Variants in PROKR2 observed in about 807,000 individuals in gnomAD.
PROKR2 encodes prokineticin receptor 2.
PROKR2 carries 26 observed loss-of-function variants against 23.4 expected under a neutral mutation model. The ratio of observed to expected loss-of-function variants is 1.11; its 90% confidence interval spans 0.81 to 1.54. PROKR2 has a LOEUF of 1.54. Ranked by LOEUF, PROKR2 falls within the 40% of genes most tolerant of loss-of-function variation. PROKR2 has a pLI of 0.00. For missense variants in PROKR2, 453 were observed against 511.5 expected, an observed-to-expected ratio of 0.89 and a Z score of 1.10; for synonymous variants, 212 against 201.2, an observed-to-expected ratio of 1.05 and a Z score of -0.45.
intron 2 of PROKR2, among the ~76,000 whole-genome samples, chr20:5,312,193 G>A (rs762746930): frequency 5.3e-5 from 8 of 152,126 alleles, no homozygotes; most frequent in African/African-American, 7.2e-5. Context: ...GGCAACCTCC[G>A]CCTCCCAGGT....
At chr20:5,310,590 T>C (rs1163698583) in intron 2 of PROKR2, among the ~76,000 whole-genome samples, 3 of 56,280 alleles carry the variant, frequency 5.3e-5, no homozygotes, top group Admixed American at 3.0e-4. Context: ...GAGAAGAGGA[T>C]CCTTACTCTT....
Position 5,314,170 on chromosome 20 carries a change from C to T in PROKR2, c.200G>A (p.Cys67Tyr), listed in dbSNP as rs779533141. The T allele has an allele frequency of 6.2e-7, 1 of 1,614,188 alleles. No homozygotes were observed. Among genetic ancestry groups the T allele is most frequent in the South Asian group, 1.1e-5 (1 of 91,080 alleles). The change falls in exon 2 of 3, where the codon TGC becomes TAC. Residue 67 changes from cysteine (C) to tyrosine (Y), a missense_variant. Transcript: ENST00000678254. Reference protein sequence around the residue: ...GIALAGIMLVCGIGNFVFIAA... With the variant: ...GIALAGIMLVYGIGNFVFIAA... ...GATAAAGACAAAGTTACCGATGCCG[C>T]AGACCAGCATGATGCCTGCCAGTGC...
chr20:5,314,931 C>T (rs914520252), intron 1 of PROKR2, among the ~76,000 whole-genome samples: 12 of 152,172 alleles, frequency 7.9e-5, no homozygotes, highest in African/African-American at 1.4e-4. Flanking sequence ...CAGGATGCTG[C>T]GGGGTCTTCT....
At position 5,302,580 on chromosome 20, in the gene PROKR2, CT is replaced by C; in HGVS notation, c.614del (p.Lys205ArgfsTer35). The C allele has an allele frequency of 6.2e-7, 1 of 1,614,170 alleles. No individual in the cohort carries two copies. Among genetic ancestry groups the C allele is most frequent in the Non-Finnish European group, 8.5e-7 (1 of 1,180,020 alleles). On this transcript the variant is annotated frameshift_variant, in exon 3 of 3. Transcript: ENST00000678254. LOFTEE classifies it high-confidence loss of function. ...CAGGCCAGATCTGGCCACAGAAGAT[CT>C]TCTCCTGGCTCTTGACAATAAAGAG... Reference protein sequence around the residue: ...TVLFIVKSQEKIFCGQIWPVD... With the variant: ...TVLFIVKSQEXIFCGQIWPVD...
chr20:5,304,260 G>A (rs371372696), intron 2 of PROKR2, among the ~76,000 whole-genome samples: 5 of 151,852 alleles, frequency 3.3e-5, no homozygotes, highest in Non-Finnish European at 4.4e-5. Context: ...AGAATACACC[G>A]CCCCAGATCA....
rs1238497659 is a variant in PROKR2, at chr20:5,302,664, G to A, written c.531C>T (p.Val177=). 1.9e-6 allele frequency: 3 copies of A among 1,614,210 alleles called. No homozygotes were observed. In the South Asian group the frequency reaches 3.3e-5, roughly 18 times the overall value. The change falls in exon 3 of 3, where the codon GTC becomes GTT. Residue 177 remains valine (V), a synonymous_variant. Coordinates refer to ENST00000678254, the MANE Select transcript of PROKR2 (RefSeq NM_144773.4). ...YQTASFLIAL[V]WMVSILIAIP... ...TGGCAATGAGAATGGACACCATCCA[G>A]ACCAAGGCGATCAGGAAGGAGGCCG... is the stretch of plus-strand genomic sequence containing the variant.
Position 5,302,368 on chromosome 20 carries a change from A to C in PROKR2, c.827T>G (p.Val276Gly). Residue 276 changes from valine to glycine, a missense_variant, in exon 3 of 3, where the codon GTG (valine) becomes GGG (glycine). Val to Gly is a moderately radical substitution (Grantham distance 109, BLOSUM62 -3). Coordinates refer to ENST00000678254, the MANE Select transcript of PROKR2 (RefSeq NM_144773.4). The stretch of plus-strand genomic sequence containing the variant: ...ATAGGCCGTGAGAATGCACATGAGC[A>C]CCAGGACCGTCTTCCTGCGGCAGCG... ...RLRCRRKTVL[V>G]LMCILTAYVL... is the part of the protein sequence containing the mutation. The C allele has an allele frequency of 6.2e-7, 1 of 1,614,232 alleles. No individual in the cohort carries two copies. Among genetic ancestry groups the C allele is most frequent in the Non-Finnish European group, 8.5e-7 (1 of 1,180,052 alleles).
rs1979659911 is a variant in PROKR2, at chr20:5,316,084, G to A, written c.-9+410C>T. 2.2e-6 allele frequency: 1 copy of A among 456,662 alleles called. No individual in the cohort carries two copies. Among genetic ancestry groups the A allele is most frequent in the Non-Finnish European group, 4.4e-6 (1 of 226,992 alleles). 28.3% of individuals were successfully genotyped at this position (456,662 alleles called of 1,614,324 possible). A position where few individuals can be genotyped will look rare whatever the true frequency, so the allele number is the denominator to read the frequency against. ...AGGCTCTAGAAGCAAAGGCTGCGGT[G>A]CCTCCTGGCTGGAAGAAAACGGCGG... On this transcript the variant is annotated intron_variant, in intron 1 of 2. Transcript: ENST00000678254. This position sits in a 1 kb window ranked among gnomAD's most constrained non-coding sequence, Gnocchi z 5.0.
intron 1 of PROKR2, among the ~76,000 whole-genome samples, chr20:5,315,119 G>T (rs1433547840): frequency 6.6e-6 from 1 of 152,080 alleles, no homozygotes; most frequent in African/African-American, 2.4e-5. Flanking sequence ...TGCATAGTGG[G>T]GGCTAGACAG....
Position 5,314,264 on chromosome 20 carries a change from G to A in PROKR2, c.106C>T (p.Pro36Ser). 2 of 1,614,182 alleles carry A rather than the reference G, an allele frequency of 1.2e-6. No individual in the cohort carries two copies. The highest frequency in any genetic ancestry group is 8.5e-7 in the Non-Finnish European group (1 of 1,180,006). Residue 36 changes from proline to serine, a missense_variant, in exon 2 of 3, where the codon CCT becomes TCT. Transcript: ENST00000678254. ...FNFSYGDYDL[P>S]MDEDEDMTKT... The stretch of plus-strand genomic sequence containing the variant: ...GTCATGTCCTCATCCTCATCCATAG[G>A]GAGGTCATAATCACCATAACTGAAG...
chr20:5,302,746 G>A lies in PROKR2; in HGVS notation c.459-10C>T. On this transcript the variant is annotated splice_polypyrimidine_tract_variant and intron_variant, in intron 2 of 2. Coordinates refer to ENST00000678254, the MANE Select transcript of PROKR2 (RefSeq NM_144773.4). ...AACGATGGCGAGATATCTGGTGGGG[G>A]AGGGAAGCCAACAGTAGTAATGATG... 6.2e-7 allele frequency: 1 copy of A among 1,603,732 alleles called. No individual in the cohort carries two copies. Among genetic ancestry groups the A allele is most frequent in the Non-Finnish European group, 8.5e-7 (1 of 1,170,766 alleles).
chr20:5,307,850 GA>G (rs1979279470), intron 2 of PROKR2, among the ~76,000 whole-genome samples: 1 of 152,160 alleles, frequency 6.6e-6, no homozygotes, highest in Admixed American at 6.6e-5. Flanking sequence ...CAAAATTTGG[GA>G]AATAATAAAA....
At chr20:5,306,245 C>A (rs6053273) in intron 2 of PROKR2, among the ~76,000 whole-genome samples, 3 of 151,972 alleles carry the variant, frequency 2.0e-5, no homozygotes, top group African/African-American at 7.3e-5. Flanking sequence ...ATAGCTCCAA[C>A]ATTTTCCCAT....
In PROKR2 at chr20:5,302,126, G is replaced by A. The variant is rs375036628; in HGVS notation, c.1069C>T (p.Arg357Trp). The A allele has an allele frequency of 5.8e-5, 93 of 1,614,202 alleles. No individual in the cohort carries two copies. Among genetic ancestry groups the A allele is most frequent in the East Asian group, 1.8e-4 (8 of 44,890 alleles). Residue 357 changes from arginine to tryptophan, a missense_variant, in exon 3 of 3, where the codon CGG (arginine) becomes TGG (tryptophan). Coordinates refer to ENST00000678254, the MANE Select transcript of PROKR2 (RefSeq NM_144773.4). ...AGGTCAGCACTGGACTTGCTCCCCC[G>A]CTGGGAGGGACGCCAGTGCAGCAGC... The part of the protein sequence containing the change: ...MMLLHWRPSQ[R>W]GSKSSADLDL...
chr20:5,311,114 T>C (rs6053291), intron 2 of PROKR2, among the ~76,000 whole-genome samples: 77,589 of 152,038 alleles, frequency 0.51, 20,110 homozygotes, highest in African/African-American at 0.61. Context: ...CTATGCTTAA[T>C]ATGGATGAGT....
chr20:5,309,071 G>A (rs1255091383), intron 2 of PROKR2, among the ~76,000 whole-genome samples: 1 of 152,152 alleles, frequency 6.6e-6, no homozygotes, highest in African/African-American at 2.4e-5. Context: ...CATGTGACCT[G>A]ACCTTGCCAA....
chr20:5,315,235 G>GAATTCCATGCAAAAA (rs1330572086), intron 1 of PROKR2, among the ~76,000 whole-genome samples: 6 of 150,072 alleles, frequency 4.0e-5, no homozygotes, highest in Non-Finnish European at 9.0e-5. Flanking sequence ...ACCAGCTCCA[G>GAATTCCATGCAAAAA]AAAGAAATCC....
chr20:5,302,582 TCTC>T lies in PROKR2; in HGVS notation c.610_612del (p.Glu204del), dbSNP rs1304916399. 6.2e-7 allele frequency: 1 copy of T among 1,614,114 alleles called. No homozygotes were observed. Among genetic ancestry groups the T allele is most frequent in the Non-Finnish European group, 8.5e-7 (1 of 1,180,008 alleles). On this transcript the variant is annotated inframe_deletion, in exon 3 of 3. Transcript: ENST00000678254. Reference sequence around the variant, plus strand: ...GGCCAGATCTGGCCACAGAAGATCTTCTCCTGGCTCTTGACAATAAAGAGGACC... The same window carrying T: ...GGCCAGATCTGGCCACAGAAGATCTTCTGGCTCTTGACAATAAAGAGGACC...
rs557841900 is a variant in PROKR2 at position 5,315,229 on chromosome 20, G to T, written c.-8-852C>A. 2.2e-4 allele frequency among the ~76,000 whole-genome samples: 32 copies of T among 147,854 alleles called. No homozygotes were observed. The South Asian group carries it at 6.5e-3, about 30-fold the overall frequency. On this transcript the variant is annotated intron_variant, in intron 1 of 2. Coordinates refer to ENST00000678254, the MANE Select transcript of PROKR2 (RefSeq NM_144773.4). ...GCTGCTCCCCGTTCTGTGGGAACCAGCTCCAGAAAGAAATCCTCTGCCGCC... is the reference window on the plus strand; with the variant it reads ...GCTGCTCCCCGTTCTGTGGGAACCATCTCCAGAAAGAAATCCTCTGCCGCC...
Sources: allele counts gnomAD v4.1 joint callset (sites outside exome capture counted in the v4.1 genomes callset), GRCh38; gene constraint gnomAD v4.1.1; non-coding constraint Gnocchi (gnomAD v3.1); transcripts MANE v1.5; gene names NCBI Gene and HGNC (gene_info 2026-07-23, HGNC 2026-07-21).